The following PDZD8 variants were observed in gnomAD, a reference collection of about 807,000 sequenced individuals.
PDZD8 encodes PDZ domain containing 8, also known as PDZ domain-containing protein 8.
PDZD8 carries 14 observed loss-of-function variants against 85.8 expected under a neutral mutation model. The ratio of observed to expected loss-of-function variants is 0.16; its 90% confidence interval spans 0.11 to 0.26. The LOEUF (loss-of-function observed/expected upper bound fraction) is 0.26, where lower values mean the gene tolerates loss of function less well. PDZD8 is among the 10% of genes least tolerant of loss of function. PDZD8 has a pLI of 1.00. For missense variants in PDZD8, 1,197 were observed against 1,424.3 expected, an observed-to-expected ratio of 0.84 and a Z score of 2.57; for synonymous variants, 592 against 568.6, an observed-to-expected ratio of 1.04 and a Z score of -0.59.
chr10:117,339,609 CAT>C (rs1262222597), intron 2 of PDZD8, among the ~76,000 whole-genome samples: 10 of 152,330 alleles, frequency 6.6e-5, no homozygotes, highest in Non-Finnish European at 1.5e-4. Flanking sequence ...TATTTTATAA[CAT>C]ATGAAAATTA....
At chr10:117,300,446 A>AG (rs1843827026) in intron 3 of PDZD8, among the ~76,000 whole-genome samples, 1 of 152,192 alleles carries the variant, frequency 6.6e-6, no homozygotes, top group African/African-American at 2.4e-5. Context: ...AAATTTTAAA[A>AG]TGGTCTTCAA....
rs1844394628 is a variant in PDZD8 at position 117,330,044 on chromosome 10, G to GGGAA, written c.995+10935_995+10936insTTCC. 2.6e-5 allele frequency among the ~76,000 whole-genome samples: 3 copies of GGGAA among 115,118 alleles called. No individual in the cohort carries two copies. In the South Asian group the frequency reaches 1.1e-3, roughly 43 times the overall value. The allele number at this position is 115,118 out of a possible 152,430, so 75.5% of individuals were successfully genotyped here. ...AGGGAGGGAAGGAGGGAGGGAGGGA[G>GGGAA]GGAGGGAAAAATCTGTTTTTTTTTT... On this transcript the variant is annotated intron_variant, in intron 2 of 4. Transcript: ENST00000334464.
In PDZD8 at chr10:117,330,209, C is replaced by A. The variant is rs1589570736; in HGVS notation, c.995+10771G>T. On this transcript the variant is annotated intron_variant, in intron 2 of 4. Transcript: ENST00000334464. ...ACCTCCTCTCTATATTCCCAACCCC[C>A]CTCAGAAACATCCTCATGCAGAACT... 4.6e-5 allele frequency among the ~76,000 whole-genome samples: 7 copies of A among 152,040 alleles called. No homozygotes were observed. In the South Asian group the frequency reaches 1.5e-3, roughly 32 times the overall value.
At chr10:117,342,883 T>C (rs1793027228) in intron 1 of PDZD8, among the ~76,000 whole-genome samples, 1 of 152,252 alleles carries the variant, frequency 6.6e-6, no homozygotes, top group South Asian at 2.1e-4. Flanking sequence ...TGAATATTCC[T>C]GCCTTCAGGC....
At chr10:117,321,976 T>C (rs1301956381) in intron 2 of PDZD8, among the ~76,000 whole-genome samples, 10 of 152,206 alleles carry the variant, frequency 6.6e-5, no homozygotes, top group Non-Finnish European at 1.3e-4. Flanking sequence ...ATTTAAAGCA[T>C]ACAAAGCATT....
chr10:117,290,305 A>C lies in PDZD8; in HGVS notation c.1142T>G (p.Leu381Arg). Reference sequence around the variant, plus strand: ...CCCATCAGTTGACTGGACAAGACGAAGTGTAAGTCCAACACTTTGTAAATT... The same window carrying C: ...CCCATCAGTTGACTGGACAAGACGACGTGTAAGTCCAACACTTTGTAAATT... ...KGNLQSVGLT[L>R]RLVQSTDGYA... is the part of the protein sequence containing the mutation. Residue 381 changes from leucine (L) to arginine (R), a missense_variant, in exon 4 of 5, where the codon CTT becomes CGT. Coordinates refer to ENST00000334464, the MANE Select transcript of PDZD8 (RefSeq NM_173791.5). 3 of 1,612,434 alleles carry C rather than the reference A, an allele frequency of 1.9e-6. No individual in the cohort carries two copies. Among genetic ancestry groups the C allele is most frequent in the Non-Finnish European group, 2.5e-6 (3 of 1,179,234 alleles).
At position 117,277,436 on chromosome 10, in the gene PDZD8, A is replaced by C. The variant is rs904898433; in HGVS notation, c.*5832T>G. The C allele has an allele frequency of 1.2e-5, 5 of 419,450 alleles. No individual in the cohort carries two copies. In the Admixed American group the frequency reaches 1.7e-4, roughly 14 times the overall value. The allele number at this position is 419,450 out of a possible 1,614,324, so 26.0% of individuals were successfully genotyped here. On this transcript the variant is annotated 3_prime_UTR_variant, in exon 5 of 5. Transcript: ENST00000334464. ...ATGGTCGATTGCCAACAGCCTTATA[A>C]AGAAAAAGAAGCTTTTCTAGGGGTT...
At position 117,286,441 on chromosome 10, in the gene PDZD8, A is replaced by G. The variant is rs564729378; in HGVS notation, c.1262-970T>C. ...TTTGTTTTCCAAAGATCTTAGGGCC[A>G]TCCTAAATAAATCTAAGTAACACCA... On this transcript the variant is annotated intron_variant, in intron 4 of 4. Coordinates refer to ENST00000334464, the MANE Select transcript of PDZD8 (RefSeq NM_173791.5). 3.3e-5 allele frequency among the ~76,000 whole-genome samples: 5 copies of G among 152,360 alleles called. No individual in the cohort carries two copies. In the East Asian group the frequency reaches 9.6e-4, roughly 29 times the overall value.
chr10:117,357,073 A>C (rs1393765164), intron 1 of PDZD8, among the ~76,000 whole-genome samples: 1 of 152,270 alleles, frequency 6.6e-6, no homozygotes, highest in Non-Finnish European at 1.5e-5. Context: ...ATAAAATACA[A>C]GATAATGCTT....
chr10:117,321,946 T>A (rs141562868), intron 2 of PDZD8, among the ~76,000 whole-genome samples: 1 of 152,314 alleles, frequency 6.6e-6, no homozygotes, highest in East Asian at 1.9e-4. Flanking sequence ...TACATATTAA[T>A]AACATTCTTA....
chr10:117,321,754 A>C (rs989989558), intron 2 of PDZD8, among the ~76,000 whole-genome samples: 4 of 152,164 alleles, frequency 2.6e-5, no homozygotes, highest in African/African-American at 9.7e-5. Flanking sequence ...TTTTTTAAAA[A>C]GATGTAATAA....
rs1398782688 is a variant in PDZD8, at chr10:117,374,775, G to T, written c.453C>A (p.Gly151=). ...TGGTCTTGATGAAGGGCACCGTCTC[G>T]CCCAGGAACACGTCCCGCAGGCTCA... ...EGLSLRDVFL[G]ETVPFIKTIR... is the part of the protein sequence containing the mutation. Residue 151 remains glycine, a synonymous_variant, in exon 1 of 5, where the codon GGC becomes GGA. Coordinates refer to ENST00000334464, the MANE Select transcript of PDZD8 (RefSeq NM_173791.5). This position sits in a 1 kb window ranked among gnomAD's most constrained non-coding sequence, Gnocchi z 7.8. 2.5e-6 allele frequency: 4 copies of T among 1,612,904 alleles called. No individual in the cohort carries two copies. The highest frequency in any genetic ancestry group is 1.1e-5 in the South Asian group (1 of 91,064).
intron 3 of PDZD8, among the ~76,000 whole-genome samples, chr10:117,317,063 A>G (rs996581648): frequency 6.6e-6 from 1 of 152,206 alleles, no homozygotes; most frequent in Non-Finnish European, 1.5e-5. Flanking sequence ...GGAGGAAGCT[A>G]TGTTCCTAGA....
rs1259563961 is a variant in PDZD8, at chr10:117,284,585, C to T, written c.2148G>A (p.Trp716Ter). 6.2e-7 allele frequency: 1 copy of T among 1,614,178 alleles called. No individual in the cohort carries two copies. Among genetic ancestry groups the T allele is most frequent in the South Asian group, 1.1e-5 (1 of 91,086 alleles). Residue 716 changes from tryptophan (W) to a stop codon, truncating the protein, a stop_gained, in exon 5 of 5, where the codon TGG (tryptophan) becomes TGA (stop). Transcript: ENST00000334464. LOFTEE classifies it high-confidence loss of function. ...CTCCCAACTTGAAAGGATCCCTGCACCACAATGCAATGTTTAAGTACCTGT... is the reference window on the plus strand; with the variant it reads ...CTCCCAACTTGAAAGGATCCCTGCATCACAATGCAATGTTTAAGTACCTGT... The part of the protein sequence containing the change: ...ACHRYLNIAL[W>*]CRDPFKLGGL...
rs1843740373 is a variant in PDZD8 at position 117,295,499 on chromosome 10, C to T, written c.1099-5151G>A. 3.4e-5 allele frequency among the ~76,000 whole-genome samples: 4 copies of T among 117,566 alleles called. No individual in the cohort carries two copies. The Admixed American group carries it at 3.6e-4, about 11-fold the overall frequency. The allele number at this position is 117,566 out of a possible 152,430, so 77.1% of individuals were successfully genotyped here. A position where few individuals can be genotyped will look rare whatever the true frequency, so the allele number is the denominator to read the frequency against. ...ATTCATAATTATAAGCCTTCCTTCCCAACACACAAAAAACTCCCTCCCAGT... is the reference window on the plus strand; with the variant it reads ...ATTCATAATTATAAGCCTTCCTTCCTAACACACAAAAAACTCCCTCCCAGT... On this transcript the variant is annotated intron_variant, in intron 3 of 4. Transcript: ENST00000334464.
At chr10:117,332,866 C>T (rs576767956) in intron 2 of PDZD8, among the ~76,000 whole-genome samples, 1 of 150,176 alleles carries the variant, frequency 6.7e-6, no homozygotes, top group East Asian at 2.0e-4. Context: ...GCCTGTAATC[C>T]CAGCACTTTG....
chr10:117,341,118 A>G lies in PDZD8; in HGVS notation c.873-16T>C, dbSNP rs1419134763. 1.9e-6 allele frequency: 3 copies of G among 1,608,898 alleles called. No individual in the cohort carries two copies. The highest frequency in any genetic ancestry group is 4.5e-5 in the East Asian group (2 of 44,778). On this transcript the variant is annotated splice_polypyrimidine_tract_variant and intron_variant, in intron 1 of 4. Coordinates refer to ENST00000334464, the MANE Select transcript of PDZD8 (RefSeq NM_173791.5). Reference sequence around the variant, plus strand: ...CGGCTTAAACCTGACAAAAGTAAAGATAAGTCTAAATGTCTGAATAATAAA... The same window carrying G: ...CGGCTTAAACCTGACAAAAGTAAAGGTAAGTCTAAATGTCTGAATAATAAA...
chr10:117,361,997 T>G (rs1451281119), intron 1 of PDZD8, among the ~76,000 whole-genome samples: 1 of 152,140 alleles, frequency 6.6e-6, no homozygotes, highest in African/African-American at 2.4e-5. Flanking sequence ...CCTGGTGGAA[T>G]GGGGAGGGTC....
At chr10:117,291,144 G>A (rs1190248218) in intron 3 of PDZD8, among the ~76,000 whole-genome samples, 3 of 151,846 alleles carry the variant, frequency 2.0e-5, no homozygotes. Context: ...AAAGTGCTAG[G>A]ATTAAAGGCG....
Sources: allele counts gnomAD v4.1 joint callset (sites outside exome capture counted in the v4.1 genomes callset), GRCh38; gene constraint gnomAD v4.1.1; non-coding constraint Gnocchi (gnomAD v3.1); transcripts MANE v1.5; gene names NCBI Gene and HGNC (gene_info 2026-07-23, HGNC 2026-07-21).